Variants in TRRAP observed in about 807,000 individuals in gnomAD.
TRRAP encodes the protein transformation/transcription domain-associated protein.
In TRRAP, 41 loss-of-function variants were observed where a neutral mutation model predicts 438.8. The ratio of observed to expected loss-of-function variants is 0.09; its 90% CI spans 0.07 to 0.12. TRRAP has a LOEUF of 0.12. Ranked by LOEUF, TRRAP falls within the 10% of genes least tolerant of loss-of-function variation. The probability of loss-of-function intolerance (pLI) is 1.00; values close to 1 mark genes in which losing one functional copy is unlikely to be tolerated. For synonymous variants in TRRAP, 1,994 were observed against 1,962.9 expected, an observed-to-expected ratio of 1.02 and a Z score of -0.42; for missense variants, 3,122 against 5,055.1, an observed-to-expected ratio of 0.62 and a Z score of 11.60.
Position 98,949,474 on chromosome 7 carries a change from A to G in TRRAP, c.4846A>G (p.Asn1616Asp). Residue 1616 changes from asparagine (N) to aspartate (D), a missense_variant, in exon 36 of 73, where the codon AAC becomes GAC. Physicochemically the swap from Asn to Asp is conservative, Grantham distance 23 (BLOSUM62 1). Coordinates refer to ENST00000456197, the MANE Select transcript of TRRAP (RefSeq NM_001375524.1). ...PLRDVLAANPNRFITLLLPGG... is the reference protein window; with the variant it reads ...PLRDVLAANPDRFITLLLPGG... ...GCGGGATGTGCTGGCTGCCAACCCC[A>G]ACAGGTTCATCACCCTGCTGCTGCC... 6.2e-7 allele frequency: 1 copy of G among 1,610,216 alleles called. No homozygotes were observed. The highest frequency in any genetic ancestry group is 1.1e-5 in the South Asian group (1 of 90,628).
intron 70 of TRRAP, among the ~76,000 whole-genome samples, chr7:99,010,121 C>T (rs1459127756): frequency 3.3e-5 from 5 of 152,162 alleles, no homozygotes; most frequent in South Asian, 2.1e-4. Flanking sequence ...CTCCTGACCT[C>T]GTGATCCACC....
intron 21 of TRRAP, among the ~76,000 whole-genome samples, chr7:98,924,688 C>CAG (rs1554411197): frequency 2.1e-5 from 2 of 95,338 alleles, no homozygotes; most frequent in Admixed American, 2.7e-4. Flanking sequence ...GACTCCGTCT[C>CAG]AAAAAAAAAA....
chr7:98,982,592 GGGAA>G (rs1792981939), intron 59 of TRRAP, among the ~76,000 whole-genome samples: 1 of 152,226 alleles, frequency 6.6e-6, no homozygotes, highest in African/African-American at 2.4e-5. Flanking sequence ...TGAGGATCGA[GGGAA>G]GGAAGATATC....
At chr7:98,880,454 G>T (rs1795377291) in intron 1 of TRRAP, among the ~76,000 whole-genome samples, 2 of 152,018 alleles carry the variant, frequency 1.3e-5, no homozygotes, top group South Asian at 2.1e-4. Flanking sequence ...AGTAGAGATG[G>T]GGTTTCATCA....
intron 20 of TRRAP, 73 bp downstream of exon 20, chr7:98,917,752 CAA>C: frequency 6.5e-7 from 1 of 1,547,126 alleles, no homozygotes; most frequent in South Asian, 1.2e-5. Flanking sequence ...TCTCTGTACT[CAA>C]GAGTGGGCTC....
At chr7:98,990,687 C>T in intron 64 of TRRAP, 68 bp downstream of exon 64, 2 of 1,515,950 alleles carry the variant, frequency 1.3e-6, no homozygotes, top group South Asian at 2.6e-5. Flanking sequence ...GTTCTTTTTT[C>T]TCCCAGAAAG....
intron 21 of TRRAP, among the ~76,000 whole-genome samples, chr7:98,924,194 A>G (rs1789930409): frequency 6.6e-6 from 1 of 152,234 alleles, no homozygotes; most frequent in Non-Finnish European, 1.5e-5. Flanking sequence ...GAGCTCACTT[A>G]GTTCCTGTAA....
At chr7:98,943,987 A>G (rs942501290) in intron 31 of TRRAP, among the ~76,000 whole-genome samples, 1 of 152,186 alleles carries the variant, frequency 6.6e-6, no homozygotes, top group African/African-American at 2.4e-5. Flanking sequence ...CTTGTTTCCT[A>G]CTGCTTCTAA....
intron 3 of TRRAP, among the ~76,000 whole-genome samples, chr7:98,882,309 C>G (rs1264887471): frequency 6.6e-6 from 1 of 151,420 alleles, no homozygotes; most frequent in Non-Finnish European, 1.5e-5. Context: ...GGCTACCATG[C>G]CTGTTGGGAT....
intron 4 of TRRAP, among the ~76,000 whole-genome samples, chr7:98,892,001 T>A (rs1353112332): frequency 1.3e-5 from 2 of 152,220 alleles, no homozygotes; most frequent in African/African-American, 2.4e-5. Flanking sequence ...CAGCTCATGA[T>A]ATAACTAGTC....
chr7:99,004,711 A>G (rs1794081166), intron 68 of TRRAP, among the ~76,000 whole-genome samples: 1 of 152,234 alleles, frequency 6.6e-6, no homozygotes, highest in South Asian at 2.1e-4. Context: ...GAAGCACAGT[A>G]TTGAGGCAGA....
At chr7:98,915,926 T>C in intron 19 of TRRAP, 38 bp downstream of exon 19, 1 of 1,611,580 alleles carries the variant, frequency 6.2e-7, no homozygotes, top group South Asian at 1.1e-5. Context: ...TAGTCTTGTG[T>C]GTCATGTAGT....
intron 30 of TRRAP, among the ~76,000 whole-genome samples, chr7:98,941,218 C>G (rs1478140672): frequency 6.6e-6 from 1 of 152,130 alleles, no homozygotes; most frequent in Non-Finnish European, 1.5e-5. Flanking sequence ...CTCTGTGTCC[C>G]AGGCTGGAGT....
intron 3 of TRRAP, among the ~76,000 whole-genome samples, chr7:98,887,533 G>T (rs1554404139): frequency 6.6e-6 from 1 of 151,918 alleles, no homozygotes; most frequent in Non-Finnish European, 1.5e-5. Flanking sequence ...GTGAGTGGAG[G>T]CCCCAGAAAT....
chr7:98,993,291 C>T (rs572130171), intron 65 of TRRAP, among the ~76,000 whole-genome samples: 110 of 152,360 alleles, frequency 7.2e-4, no homozygotes, highest in Non-Finnish European at 1.3e-3. Context: ...AACACATACA[C>T]GGGTTTATTT....
chr7:98,910,660 A>C (rs1789207930), intron 16 of TRRAP, 53 bp downstream of exon 16: 1 of 1,441,448 alleles, frequency 6.9e-7, no homozygotes. Flanking sequence ...ACCTCTTAGT[A>C]TTAGAGGTCA....
chr7:98,918,695 C>A (rs1342168063), intron 20 of TRRAP, among the ~76,000 whole-genome samples: 3 of 151,916 alleles, frequency 2.0e-5, no homozygotes, highest in Non-Finnish European at 4.4e-5. Context: ...TCCACCCTAC[C>A]CAAAGGGAAA....
At chr7:99,002,524 C>T (rs550868570) in intron 67 of TRRAP, among the ~76,000 whole-genome samples, 6 of 152,132 alleles carry the variant, frequency 3.9e-5, no homozygotes, top group Admixed American at 6.5e-5. Context: ...GTTCTTGGTC[C>T]AGCGTGGAGA....
At chr7:98,979,198 G>T (rs538734597) in intron 58 of TRRAP, among the ~76,000 whole-genome samples, 23 of 152,170 alleles carry the variant, frequency 1.5e-4, no homozygotes, top group Non-Finnish European at 2.9e-4. Context: ...TGGATGCAGG[G>T]AGTTTGTGTT....
Sources: gnomAD v4.1 joint callset for allele counts (sites outside exome capture counted in the v4.1 genomes callset) on GRCh38, gnomAD v4.1.1 for gene constraint, MANE v1.5 for transcripts, NCBI Gene and HGNC (gene_info 2026-07-23, HGNC 2026-07-21) for gene names.